COL25A1: variants seen among roughly 807,000 people sequenced by gnomAD.
The protein encoded by COL25A1 is collagen type XXV alpha 1 chain, also known as collagen alpha-1(XXV) chain.
In COL25A1, 103 loss-of-function variants were observed where a neutral mutation model predicts 128.4. That is an observed-to-expected ratio of 0.80 (90% CI 0.68 to 0.94). The LOEUF is 0.94. COL25A1 is among the 40% of genes least tolerant of loss of function. The probability of loss-of-function intolerance (pLI) is 0.00; values close to 1 mark genes in which losing one functional copy is unlikely to be tolerated. For missense variants in COL25A1, 745 were observed against 840.0 expected (o/e 0.89, Z 1.40); for synonymous variants, 279 against 277.2 (o/e 1.01, Z -0.06).
At chr4:109,134,259 T>C (rs1169581153) in intron 3 of COL25A1, among the ~76,000 whole-genome samples, 1 of 151,904 alleles carries the variant, frequency 6.6e-6, no homozygotes, top group Non-Finnish European at 1.5e-5. Context: ...ATGATAGGTT[T>C]TTATAGTAGA....
At chr4:109,217,133 G>A (rs1437198755) in intron 3 of COL25A1, among the ~76,000 whole-genome samples, 1 of 151,972 alleles carries the variant, frequency 6.6e-6, no homozygotes, top group Non-Finnish European at 1.5e-5. Flanking sequence ...TTAAGAAATA[G>A]ACAAATCTGA....
intron 3 of COL25A1, among the ~76,000 whole-genome samples, chr4:109,128,109 T>C (rs1468574219): frequency 2.0e-5 from 3 of 152,108 alleles, no homozygotes; most frequent in African/African-American, 7.2e-5. Flanking sequence ...AAGGTAACAG[T>C]AGCCTAAAAC....
intron 6 of COL25A1, among the ~76,000 whole-genome samples, chr4:108,984,011 CG>C (rs1753354080): frequency 6.6e-6 from 1 of 152,122 alleles, no homozygotes; most frequent in African/African-American, 2.4e-5. Flanking sequence ...ATTGGTAGAG[CG>C]GAGTGGTCTG....
At position 109,293,938 on chromosome 4, in the gene COL25A1, A is replaced by G. The variant is rs554897537; in HGVS notation, c.367+6645T>C. Among the ~76,000 whole-genome samples the G allele has an allele frequency of 3.3e-5, 5 of 152,254 alleles. No individual in the cohort carries two copies. In the South Asian group the frequency reaches 1.0e-3, roughly 32 times the overall value. On this transcript the variant is annotated intron_variant, in intron 3 of 37. Transcript: ENST00000399132. Reference sequence around the variant, plus strand: ...AAGTTCAATTACATTTAGTTCATTTATTCTATCTACTGGGACACTAGCTTA... The same window carrying G: ...AAGTTCAATTACATTTAGTTCATTTGTTCTATCTACTGGGACACTAGCTTA...
intron 3 of COL25A1, among the ~76,000 whole-genome samples, chr4:109,211,274 CTATATATATATGAAACTATATATA>C (rs1296056294): frequency 4.4e-4 from 7 of 15,970 alleles, no homozygotes; most frequent in African/African-American, 1.2e-3. Context: ...ATATATGAAA[CTATATATATATGAAACTATATATA>C]TATATATATA....
At chr4:108,884,290 T>C (rs1430530541) in intron 18 of COL25A1, 68 bp from the exon 19 acceptor site, 5 of 1,406,810 alleles carry the variant, frequency 3.6e-6, no homozygotes, top group Non-Finnish European at 5.0e-6. Flanking sequence ...GAGAAAAACA[T>C]GGCAAATGTT....
Position 108,811,174 on chromosome 4 carries a change from T to C in COL25A1, c.*2753A>G, listed in dbSNP as rs1730763450. On this transcript the variant is annotated 3_prime_UTR_variant, in exon 38 of 38. Coordinates refer to ENST00000399132, the MANE Select transcript of COL25A1 (RefSeq NM_198721.4). Reference sequence around the variant, plus strand: ...AGAAATTATTTAAGAATTCTCTATATGACAAAATGGATGCTTGAAAACATT... The same window carrying C: ...AGAAATTATTTAAGAATTCTCTATACGACAAAATGGATGCTTGAAAACATT... 2 of 152,088 alleles carry C rather than the reference T, an allele frequency of 1.3e-5. No individual in the cohort carries two copies. The highest frequency in any genetic ancestry group is 1.3e-4 in the Admixed American group (2 of 15,276). The allele number at this position is 152,088 out of a possible 1,614,324, so 9.4% of individuals were successfully genotyped here. A position where few individuals can be genotyped will look rare whatever the true frequency, so the allele number is the denominator to read the frequency against.
intron 13 of COL25A1, among the ~76,000 whole-genome samples, chr4:108,908,713 C>T (rs577563906): frequency 2.0e-5 from 3 of 152,112 alleles, no homozygotes; most frequent in African/African-American, 4.8e-5. Flanking sequence ...CACACAGAGG[C>T]GGCTGTGCAG....
chr4:109,138,985 G>A (rs551290278), intron 3 of COL25A1, among the ~76,000 whole-genome samples: 25 of 152,240 alleles, frequency 1.6e-4, no homozygotes, highest in Non-Finnish European at 3.4e-4. Context: ...GGGATTACAC[G>A]CATGAGCCAC....
At position 109,095,259 on chromosome 4, in the gene COL25A1, CA is replaced by C. The variant is rs371967353; in HGVS notation, c.368-45081del. 2.6e-4 allele frequency among the ~76,000 whole-genome samples: 40 copies of C among 152,318 alleles called. 1 individual carries two copies. Among genetic ancestry groups the C allele is most frequent in the African/African-American group, 9.4e-4 (39 of 41,576 alleles). On this transcript the variant is annotated intron_variant, in intron 3 of 37. Coordinates refer to ENST00000399132, the MANE Select transcript of COL25A1 (RefSeq NM_198721.4). ...AATAAATGATTCTAGGATGCAGTAA[CA>C]ATTCATTCCACTTTGTCTGTCAGAA...
chr4:109,074,823 G>T (rs72883487), intron 3 of COL25A1, among the ~76,000 whole-genome samples: 17,397 of 152,050 alleles, frequency 0.11, 1,284 homozygotes, highest in African/African-American at 0.2. Context: ...TTAGTTACTA[G>T]AGTGCCATTG....
intron 3 of COL25A1, among the ~76,000 whole-genome samples, chr4:109,120,312 C>T (rs957250123): frequency 6.6e-6 from 1 of 151,928 alleles, no homozygotes; most frequent in African/African-American, 2.4e-5. Flanking sequence ...AAAAGGTATA[C>T]AGGTTGGGAA....
At chr4:109,254,469 T>TTTTATATATATATATATA (rs1357197026) in intron 3 of COL25A1, among the ~76,000 whole-genome samples, 4 of 59,592 alleles carry the variant, frequency 6.7e-5, no homozygotes, top group African/African-American at 1.7e-4. Flanking sequence ...AGGCATATGT[T>TTTTATATATATATATATA]TATATATATA....
intron 3 of COL25A1, among the ~76,000 whole-genome samples, chr4:109,111,632 C>T (rs954358596): frequency 2.0e-5 from 3 of 152,166 alleles, no homozygotes; most frequent in African/African-American, 7.2e-5. Flanking sequence ...TGGTAAAATT[C>T]ATCTCAGCTT....
At chr4:109,190,968 A>G (rs1030780760) in intron 3 of COL25A1, among the ~76,000 whole-genome samples, 1 of 152,148 alleles carries the variant, frequency 6.6e-6, no homozygotes, top group Non-Finnish European at 1.5e-5. Flanking sequence ...TGAGGTCTGA[A>G]ATTATTTTAG....
At chr4:108,972,524 T>C (rs1158112123) in intron 8 of COL25A1, among the ~76,000 whole-genome samples, 1 of 152,212 alleles carries the variant, frequency 6.6e-6, no homozygotes, top group Non-Finnish European at 1.5e-5. Context: ...GCTTGGAATC[T>C]GAGAAAAGAC....
Position 109,004,564 on chromosome 4 carries a change from C to T in COL25A1, c.438+5794G>A, listed in dbSNP as rs115733213. Reference sequence around the variant, plus strand: ...GGAGGTAGAGCCTGGTGGGAGGTGACTGGATCATGGGGGTGGATTTCTCAT... The same window carrying T: ...GGAGGTAGAGCCTGGTGGGAGGTGATTGGATCATGGGGGTGGATTTCTCAT... On this transcript the variant is annotated intron_variant, in intron 6 of 37. Transcript: ENST00000399132. 1.1e-3 allele frequency among the ~76,000 whole-genome samples: 165 copies of T among 152,174 alleles called. 1 individual carries two copies. The highest frequency in any genetic ancestry group is 3.8e-3 in the African/African-American group (159 of 41,518).
intron 3 of COL25A1, among the ~76,000 whole-genome samples, chr4:109,098,400 C>T (rs1425202859): frequency 2.6e-5 from 4 of 152,148 alleles, no homozygotes; most frequent in Admixed American, 1.3e-4. Context: ...CTTCATGATA[C>T]CAGCACCTGC....
chr4:108,902,067 G>T (rs2125866724), intron 13 of COL25A1, among the ~76,000 whole-genome samples: 1 of 152,068 alleles, frequency 6.6e-6, no homozygotes, highest in East Asian at 1.9e-4. Context: ...TAGTAAAGTT[G>T]CTCTTTGGTT....
Sources: gnomAD v4.1 joint callset for allele counts (sites outside exome capture counted in the v4.1 genomes callset) on GRCh38, gnomAD v4.1.1 for gene constraint, MANE v1.5 for transcripts, NCBI Gene and HGNC (gene_info 2026-07-23, HGNC 2026-07-21) for gene names.